TEX36: variants seen among roughly 807,000 people sequenced by gnomAD.
TEX36 encodes the protein testis-expressed protein 36.
A neutral mutation model predicts 13.6 loss-of-function variants in TEX36; 12 were observed. The observed-to-expected ratio is 0.88, with a 90% CI of 0.56 to 1.43. TEX36 has a LOEUF of 1.43. Among genes scored for constraint, TEX36 ranks in the 40% most tolerant of loss-of-function variants. The probability of loss-of-function intolerance (pLI) is 0.00; values close to 1 mark genes in which losing one functional copy is unlikely to be tolerated. For missense variants in TEX36, 224 were observed against 228.3 expected, an observed-to-expected ratio of 0.98 and a Z score of 0.12; for synonymous variants, 93 against 83.0, an observed-to-expected ratio of 1.12 and a Z score of -0.65.
At chr10:125,603,163 C>T (rs879398169) in intron 3 of TEX36, among the ~76,000 whole-genome samples, 1 of 152,236 alleles carries the variant, frequency 6.6e-6, no homozygotes, top group Admixed American at 6.5e-5. Context: ...CTAAGAGTCC[C>T]ATTTGTCCAA....
intron 3 of TEX36, among the ~76,000 whole-genome samples, chr10:125,603,975 A>G (rs899811940): frequency 2.6e-5 from 4 of 152,186 alleles, no homozygotes; most frequent in African/African-American, 4.8e-5. Context: ...TAAGGGGCCC[A>G]TTCCGGTTCA....
intron 3 of TEX36, among the ~76,000 whole-genome samples, chr10:125,658,484 T>A (rs970556570): frequency 6.6e-6 from 1 of 151,904 alleles, no homozygotes; most frequent in Non-Finnish European, 1.5e-5. Flanking sequence ...AATACAAAAA[T>A]TAAGACAAGG....
chr10:125,651,108 A>G (rs550208803), downstream of TEX36, among the ~76,000 whole-genome samples: 73 of 152,348 alleles, frequency 4.8e-4, no homozygotes, highest in African/African-American at 1.3e-3. Flanking sequence ...AACAATTCCA[A>G]TCAATAGAAA....
intron 3 of TEX36, among the ~76,000 whole-genome samples, chr10:125,642,765 C>T (rs1240111366): frequency 6.6e-6 from 1 of 152,128 alleles, no homozygotes; most frequent in Non-Finnish European, 1.5e-5. Flanking sequence ...CTTACTAATT[C>T]CCTATTTCAA....
chr10:125,592,297 AG>A (rs1846030753), intron 3 of TEX36, among the ~76,000 whole-genome samples: 1 of 152,140 alleles, frequency 6.6e-6, no homozygotes, highest in South Asian at 2.1e-4. Context: ...GACGTGCGTT[AG>A]GCCACCAGGG....
chr10:125,621,337 C>T (rs1846427561), downstream of TEX36, among the ~76,000 whole-genome samples: 1 of 151,970 alleles, frequency 6.6e-6, no homozygotes, highest in African/African-American at 2.4e-5. Flanking sequence ...CCAATTTCTC[C>T]ACATCCTCAC....
chr10:125,631,026 A>G (rs570223186), intron 3 of TEX36, among the ~76,000 whole-genome samples: 15 of 151,890 alleles, frequency 9.9e-5, no homozygotes, highest in South Asian at 4.1e-4. Context: ...GCTTTTTAAG[A>G]AAGTCCCATC....
chr10:125,591,100 A>C (rs889702956), intron 3 of TEX36, among the ~76,000 whole-genome samples: 2 of 152,182 alleles, frequency 1.3e-5, no homozygotes, highest in African/African-American at 4.8e-5. Context: ...CCAAGCTGTG[A>C]GGCCATGCAC....
intron 3 of TEX36, among the ~76,000 whole-genome samples, chr10:125,589,216 C>A (rs945802090): frequency 3.3e-5 from 5 of 152,228 alleles, no homozygotes; most frequent in Non-Finnish European, 5.9e-5. Context: ...TTAAAAACAG[C>A]AAACTCACTG....
At chr10:125,651,024 A>G (rs528492712), downstream of TEX36, among the ~76,000 whole-genome samples, 15 of 152,318 alleles carry the variant, frequency 9.8e-5, no homozygotes, top group South Asian at 1.9e-3. Context: ...CAACCAAAAA[A>G]AGTCCAGGAC....
At chr10:125,681,894 TAGAA>T (rs1258827223) in intron 1 of TEX36, among the ~76,000 whole-genome samples, 1 of 152,168 alleles carries the variant, frequency 6.6e-6, no homozygotes, top group African/African-American at 2.4e-5. Flanking sequence ...AACTGAGACT[TAGAA>T]AGACTAAGCT....
At chr10:125,576,530 G>T in exon 4 of TEX36, 1 of 586,780 alleles carries the variant, frequency 1.7e-6, no homozygotes, top group Non-Finnish European at 2.9e-6. Context: ...CATTCTTCCT[G>T]CCAGGGAGAT....
intron 3 of TEX36, among the ~76,000 whole-genome samples, chr10:125,628,650 G>A (rs776368820): frequency 2.0e-5 from 3 of 152,202 alleles, no homozygotes; most frequent in Non-Finnish European, 4.4e-5. Flanking sequence ...TCTTGAGATC[G>A]TGCATGAGTA....
chr10:125,666,671 C>T (rs568025971), intron 1 of TEX36, among the ~76,000 whole-genome samples: 27 of 152,258 alleles, frequency 1.8e-4, no homozygotes, highest in East Asian at 1.4e-3. Flanking sequence ...CCCGCCCCCC[C>T]TCCTCCAACC....
Position 125,599,551 on chromosome 10 carries a change from G to A in TEX36, c.265-22677C>T, listed in dbSNP as rs527340768. Among the ~76,000 whole-genome samples the A allele has an allele frequency of 5.3e-5, 8 of 152,254 alleles. No homozygotes were observed. In the South Asian group the frequency reaches 1.7e-3, roughly 32 times the overall value. Reference sequence around the variant, plus strand: ...AGATTCCATGCATGCTGGAGGACCTGGATGAATAGCAAATGGAAATTGCCC... The same window carrying A: ...AGATTCCATGCATGCTGGAGGACCTAGATGAATAGCAAATGGAAATTGCCC... On this transcript the variant is annotated intron_variant, in intron 3 of 3. Coordinates refer to the TEX36 transcript ENST00000532135.
chr10:125,627,191 G>A (rs1846499596), intron 3 of TEX36, among the ~76,000 whole-genome samples: 1 of 152,190 alleles, frequency 6.6e-6, no homozygotes, highest in South Asian at 2.1e-4. Context: ...ATCTGATTTT[G>A]GGGCATATTG....
At chr10:125,635,804 T>A (rs1026050444) in intron 3 of TEX36, among the ~76,000 whole-genome samples, 1 of 152,102 alleles carries the variant, frequency 6.6e-6, no homozygotes, top group Non-Finnish European at 1.5e-5. Flanking sequence ...CAGCCCAGAC[T>A]GGAACCCAGC....
chr10:125,622,408 G>A (rs1332128137), intron 3 of TEX36, among the ~76,000 whole-genome samples: 1 of 152,226 alleles, frequency 6.6e-6, no homozygotes, highest in Non-Finnish European at 1.5e-5. Context: ...AAATACTCAT[G>A]ACAATTACAG....
intron 2 of TEX36, 34 bp from the exon 3 acceptor site, chr10:125,661,135 A>G (rs750949419): frequency 1.3e-6 from 2 of 1,500,484 alleles, no homozygotes; most frequent in South Asian, 1.2e-5. Context: ...AAGAGCACAC[A>G]TTAGAACCCT....
Sources: gnomAD v4.1 joint callset for allele counts (sites outside exome capture counted in the v4.1 genomes callset) on GRCh38, gnomAD v4.1.1 for gene constraint, MANE v1.5 for transcripts, NCBI Gene and HGNC (gene_info 2026-07-23, HGNC 2026-07-21) for gene names.